Variants in TNNT1 observed in about 807,000 individuals in gnomAD.
TNNT1 encodes the protein troponin T, slow skeletal muscle.
A neutral mutation model predicts 50.6 loss-of-function variants in TNNT1; 53 were observed. That is an observed-to-expected ratio of 1.05 (90% CI 0.84 to 1.32). The LOEUF is 1.32. TNNT1 is among the 40% of genes most tolerant of loss of function. The pLI is 0.00. For missense variants in TNNT1, 348 were observed against 381.7 expected (o/e 0.91, Z 0.74); for synonymous variants, 142 against 138.0 (o/e 1.03, Z -0.20).
intron 9 of TNNT1, among the ~76,000 whole-genome samples, chr19:55,140,392 C>T (rs1329189201): frequency 6.6e-6 from 1 of 151,314 alleles, no homozygotes; most frequent in East Asian, 2.0e-4. Flanking sequence ...ATCATTTGAG[C>T]CCAGGAGGTC....
At chr19:55,137,274 C>A in intron 10 of TNNT1, 62 bp from the exon 11 acceptor site, 1 of 1,225,534 alleles carries the variant, frequency 8.2e-7, no homozygotes, top group South Asian at 1.2e-5. Flanking sequence ...ACTGCCGTGT[C>A]GGGACCCACA....
intron 5 of TNNT1, 41 bp downstream of exon 5, chr19:55,146,392 GC>G (rs1247599502): frequency 1.5e-6 from 2 of 1,336,012 alleles, no homozygotes; most frequent in Non-Finnish European, 9.7e-7. Context: ...GTCCCCCCGG[GC>G]CCCCGACATC....
In TNNT1 at chr19:55,138,001, A is replaced by G; in HGVS notation, c.461T>C (p.Leu154Pro). 1 of 1,614,166 alleles carries G rather than the reference A, an allele frequency of 6.2e-7. No homozygotes were observed. The highest frequency in any genetic ancestry group is 8.5e-7 in the Non-Finnish European group (1 of 1,180,014). Residue 154 changes from leucine to proline, a missense_variant, in exon 10 of 14, where the codon CTG becomes CCG. Around this residue, in one of 3 missense-constraint regions of TNNT1, gnomAD observed 253 missense variants for 291.8 expected, o/e 0.87. Coordinates refer to ENST00000588981, the MANE Select transcript of TNNT1 (RefSeq NM_003283.6). ...AEDDAKKKKV[L>P]SNMGAHFGGY... ...GCCAAAATGGGCCCCCATGTTGGAC[A>G]GCACCTTCTTTTTCTTGGCATCATC...
chr19:55,147,886 G>T, intron 1 of TNNT1: 1 of 158,746 alleles, frequency 6.3e-6, no homozygotes, highest in East Asian at 1.8e-4. Context: ...TGAGTCTGAG[G>T]GAGGAGCGGG....
At chr19:55,144,781 G>A (rs16986278) in intron 6 of TNNT1, among the ~76,000 whole-genome samples, 14,611 of 152,260 alleles carry the variant, frequency 0.096, 1,470 homozygotes, top group African/African-American at 0.25. Flanking sequence ...GATGGGGAAG[G>A]CTTTGAATGC....
rs770213602 is a variant in TNNT1, at chr19:55,147,183, G to A, written c.-11-15C>T. The A allele has an allele frequency of 1.6e-5, 26 of 1,612,576 alleles. No individual in the cohort carries two copies. Among genetic ancestry groups the A allele is most frequent in the Admixed American group, 3.3e-5 (2 of 59,870 alleles). On this transcript the variant is annotated splice_polypyrimidine_tract_variant and intron_variant, in intron 1 of 13. Transcript: ENST00000588981. The stretch of plus-strand genomic sequence containing the variant: ...CCTGGTGCGGCCTAAGGACCAGAGA[G>A]AAGAGGCCCAGTGGGGTGGGGCCCC...
rs1183581166 is a variant in TNNT1, at chr19:55,147,417, G to GGCC, written c.-11-250_-11-249insGGC. 10 of 100,994 alleles carry GGCC rather than the reference G, an allele frequency of 9.9e-5. No individual in the cohort carries two copies. In the East Asian group the frequency reaches 1.1e-3, roughly 11 times the overall value. The allele number at this position is 100,994 out of a possible 1,614,324, so 6.3% of individuals were successfully genotyped here. ...TGGGTCTGAGGGAGGAGGGGCTGGGGTCTGGACTCCTGGGTCTGAGGGAGG... is the reference window on the plus strand; with the variant it reads ...TGGGTCTGAGGGAGGAGGGGCTGGGGGCCTCTGGACTCCTGGGTCTGAGGGAGG... On this transcript the variant is annotated intron_variant, in intron 1 of 13. Transcript: ENST00000588981.
intron 7 of TNNT1, 54 bp from the exon 8 acceptor site, chr19:55,141,356 TC>T: frequency 7.9e-7 from 1 of 1,259,384 alleles, no homozygotes; most frequent in Non-Finnish European, 1.2e-6. Context: ...GGCAGCAGCC[TC>T]CCAGCACCTC....
At chr19:55,147,042 AGAG>A (rs1368390789) in intron 2 of TNNT1, 21 bp from the exon 3 acceptor site, 9 of 1,612,220 alleles carry the variant, frequency 5.6e-6, no homozygotes, top group South Asian at 1.1e-5. Context: ...GTGTGGGGAG[AGAG>A]GAGGGAGGGG....
chr19:55,137,917 GC>G, intron 10 of TNNT1, 43 bp downstream of exon 10: 1 of 1,611,006 alleles, frequency 6.2e-7, no homozygotes, highest in Admixed American at 1.7e-5. Context: ...CCCAGCCCCT[GC>G]CCCCTCAGAA....
intron 6 of TNNT1, among the ~76,000 whole-genome samples, chr19:55,143,630 A>G (rs1036208735): frequency 1.3e-5 from 2 of 152,032 alleles, no homozygotes; most frequent in Non-Finnish European, 1.5e-5. Context: ...GGCTTACCAT[A>G]TTGTACAGGA....
intron 6 of TNNT1, among the ~76,000 whole-genome samples, chr19:55,143,588 C>T (rs184034320): frequency 6.6e-6 from 1 of 152,170 alleles, no homozygotes. Context: ...TCGATAAGCT[C>T]CATCAGGGCG....
intron 6 of TNNT1, 165 bp downstream of exon 6, chr19:55,145,379 G>A (rs1232421748): frequency 7.3e-6 from 5 of 685,554 alleles, no homozygotes; most frequent in African/African-American, 1.8e-5. Flanking sequence ...AGGAGGGAGA[G>A]GAGGGAGGAG....
rs200853893 is a variant in TNNT1, at chr19:55,137,230, G to A, written c.502-18C>T. On this transcript the variant is annotated intron_variant, in intron 10 of 13. Transcript: ENST00000588981. Reference sequence around the variant, plus strand: ...TGTTCTGCCTGAGGGTGGGGGAGGCGGAACAGTAAACTGGGGGCCACATCC... The same window carrying A: ...TGTTCTGCCTGAGGGTGGGGGAGGCAGAACAGTAAACTGGGGGCCACATCC... The A allele has an allele frequency of 1.5e-5, 24 of 1,580,606 alleles. No homozygotes were observed. Among genetic ancestry groups the A allele is most frequent in the East Asian group, 6.7e-5 (3 of 44,708 alleles).
At chr19:55,141,110 T>C (rs2085444594) in intron 8 of TNNT1, 76 bp downstream of exon 8, 6 of 1,493,812 alleles carry the variant, frequency 4.0e-6, no homozygotes, top group Admixed American at 3.3e-5. Context: ...AGGAAAACTA[T>C]TATCTGCATC....
intron 10 of TNNT1, among the ~76,000 whole-genome samples, chr19:55,137,579 AG>A (rs1273365561): frequency 5.8e-5 from 6 of 103,368 alleles, no homozygotes; most frequent in African/African-American, 2.3e-4. Context: ...CCAGGAGTGC[AG>A]GCCCCCAGCC....
chr19:55,142,153 C>T (rs1007818230), intron 6 of TNNT1: 2 of 470,386 alleles, frequency 4.3e-6, no homozygotes, highest in Non-Finnish European at 7.8e-6. Context: ...CGGAGTCTTG[C>T]TCTGTCACCC....
chr19:55,141,246 A>G lies in TNNT1; in HGVS notation c.249T>C (p.Asp83=). 1 of 1,614,212 alleles carries G rather than the reference A, an allele frequency of 6.2e-7. No homozygotes were observed. Residue 83 remains aspartate, a synonymous_variant, in exon 8 of 14, where the codon GAT becomes GAC. Coordinates refer to ENST00000588981, the MANE Select transcript of TNNT1 (RefSeq NM_003283.6). ...KDLLELQTLI[D]VHFEQRKKEE... ...CCTTCTTCCGCTGCTCGAAATGTAC[A>G]TCGATGAGTGTCTGCAGCTCCAGCA... is the stretch of plus-strand genomic sequence containing the variant.
chr19:55,144,144 C>A (rs1184990452), intron 6 of TNNT1, among the ~76,000 whole-genome samples: 9 of 146,924 alleles, frequency 6.1e-5, no homozygotes, highest in Non-Finnish European at 1.2e-4. Flanking sequence ...TCTTGACTCA[C>A]TGCAACCTCT....
Sources: allele counts gnomAD v4.1 joint callset (sites outside exome capture counted in the v4.1 genomes callset), GRCh38; gene constraint gnomAD v4.1.1; regional missense constraint gnomAD v4.1.1; transcripts MANE v1.5; gene names NCBI Gene and HGNC (gene_info 2026-07-23, HGNC 2026-07-21).